EPN2: variants seen among roughly 807,000 people sequenced by gnomAD.
EPN2 encodes the protein epsin 2.
Under a neutral mutation model 61.7 loss-of-function variants are expected in EPN2, and 34 were observed. The ratio of observed to expected loss-of-function variants is 0.55; its 90% CI spans 0.42 to 0.73. The LOEUF is 0.73. EPN2 is among the 30% of genes least tolerant of loss of function. The pLI is 0.00. For synonymous variants in EPN2, 349 were observed against 353.6 expected (o/e 0.99, Z 0.15); for missense variants, 714 against 839.2 (o/e 0.85, Z 1.84).
intron 1 of EPN2, among the ~76,000 whole-genome samples, chr17:19,267,972 C>G (rs1309838665): frequency 6.6e-6 from 1 of 152,218 alleles, no homozygotes; most frequent in Non-Finnish European, 1.5e-5. Flanking sequence ...GTGAACAACT[C>G]AATTTGGCAA....
At chr17:19,265,774 C>T (rs548011927) in intron 1 of EPN2, among the ~76,000 whole-genome samples, 3 of 152,344 alleles carry the variant, frequency 2.0e-5, no homozygotes, top group Admixed American at 6.5e-5. Context: ...CCAGGCCTGT[C>T]CTGCCAGCAC....
At position 19,282,933 on chromosome 17, in the gene EPN2, G is replaced by A. The variant is rs1414574808; in HGVS notation, c.-170-17G>A. 1.7e-6 allele frequency: 1 copy of A among 575,418 alleles called. No homozygotes were observed. The highest frequency in any genetic ancestry group is 3.1e-6 in the Non-Finnish European group (1 of 326,092). The allele number at this position is 575,418 out of a possible 1,614,324, so 35.6% of individuals were successfully genotyped here. A position where few individuals can be genotyped will look rare whatever the true frequency, so the allele number is the denominator to read the frequency against. Reference sequence around the variant, plus strand: ...GGGGGCTTACGTCGCAGTGGAATGGGTTTTCTCTTTCTCTAGGTCATGGCT... The same window carrying A: ...GGGGGCTTACGTCGCAGTGGAATGGATTTTCTCTTTCTCTAGGTCATGGCT... On this transcript the variant is annotated splice_polypyrimidine_tract_variant and intron_variant, in intron 2 of 10. Transcript: ENST00000314728.
intron 1 of EPN2, among the ~76,000 whole-genome samples, chr17:19,249,692 C>T (rs1230604998): frequency 6.6e-6 from 1 of 152,214 alleles, no homozygotes; most frequent in Non-Finnish European, 1.5e-5. Context: ...GTTTGTGCCT[C>T]TTTCTAAACA....
chr17:19,246,949 T>G (rs1170466241), intron 1 of EPN2, among the ~76,000 whole-genome samples: 2 of 151,988 alleles, frequency 1.3e-5, no homozygotes, highest in Non-Finnish European at 2.9e-5. Context: ...TTTTTGTATT[T>G]ATGGTAGAGA....
Position 19,335,387 on chromosome 17 carries a change from T to A in EPN2, c.*1133T>A. On this transcript the variant is annotated 3_prime_UTR_variant, in exon 11 of 11. Coordinates refer to ENST00000314728, the MANE Select transcript of EPN2 (RefSeq NM_014964.5). Reference sequence around the variant, plus strand: ...GACTCACCAATTTTTATCAACTAATTCCTTTTTTTTATTAAAGGCATGCAG... The same window carrying A: ...GACTCACCAATTTTTATCAACTAATACCTTTTTTTTATTAAAGGCATGCAG... 6.5e-7 allele frequency: 1 copy of A among 1,547,518 alleles called. No individual in the cohort carries two copies. The highest frequency in any genetic ancestry group is 8.7e-7 in the Non-Finnish European group (1 of 1,145,394).
Position 19,276,773 on chromosome 17 carries a change from G to GTTTTTTTTTTTTTTTTTT in EPN2, c.-293-5181_-293-5164dup, listed in dbSNP as rs80078595. The stretch of plus-strand genomic sequence containing the variant: ...GTCAGTATGTAATTTATGAGAATAA[G>GTTTTTTTTTTTTTTTTTT]TTTTTTTTTTTTTTTTTTGCTGTAT... On this transcript the variant is annotated intron_variant, in intron 1 of 10. Transcript: ENST00000314728. 1.9e-4 allele frequency among the ~76,000 whole-genome samples: 23 copies of GTTTTTTTTTTTTTTTTTT among 119,308 alleles called. 1 individual carries two copies. The highest frequency in any genetic ancestry group is 7.5e-4 in the African/African-American group (18 of 24,092). 78.3% of individuals were successfully genotyped at this position (119,308 alleles called of 152,430 possible). A position where few individuals can be genotyped will look rare whatever the true frequency, so the allele number is the denominator to read the frequency against.
chr17:19,248,489 C>T (rs1472603779), intron 1 of EPN2: 1 of 152,132 alleles, frequency 6.6e-6, no homozygotes, highest in African/African-American at 2.4e-5. Flanking sequence ...AATTACATTT[C>T]TTTAATTTTA....
At chr17:19,333,737 A>G (rs984600661) in intron 10 of EPN2, among the ~76,000 whole-genome samples, 1 of 152,170 alleles carries the variant, frequency 6.6e-6, no homozygotes, top group African/African-American at 2.4e-5. Context: ...ACGCTGGACA[A>G]ATCACTTGGC....
chr17:19,295,730 T>TC (rs1466672620), intron 4 of EPN2, among the ~76,000 whole-genome samples: 2 of 152,098 alleles, frequency 1.3e-5, no homozygotes, highest in African/African-American at 4.8e-5. Flanking sequence ...AATCACTAGC[T>TC]CTCAAGCTTT....
chr17:19,318,049 G>C (rs1906469646), intron 7 of EPN2, among the ~76,000 whole-genome samples: 1 of 152,222 alleles, frequency 6.6e-6, no homozygotes, highest in South Asian at 2.1e-4. Flanking sequence ...TCTGAATTCA[G>C]CCCAGCAGTT....
intron 1 of EPN2, among the ~76,000 whole-genome samples, chr17:19,247,605 C>T (rs1055588672): frequency 7.9e-5 from 12 of 152,236 alleles, no homozygotes; most frequent in East Asian, 1.9e-4. Context: ...CAGCTGGTGA[C>T]GGGTGGATGC....
intron 7 of EPN2, 103 bp downstream of exon 7, chr17:19,313,382 G>A: frequency 2.6e-6 from 3 of 1,144,250 alleles, no homozygotes; most frequent in African/African-American, 1.6e-5. Flanking sequence ...GGTCGATTGT[G>A]GTGGGTGTCC....
intron 4 of EPN2, among the ~76,000 whole-genome samples, chr17:19,291,427 A>ATTTT (rs60753158): frequency 1.4e-5 from 1 of 69,834 alleles, no homozygotes; most frequent in East Asian, 4.6e-4. Context: ...TCAGCCATTC[A>ATTTT]TTTTTTTTTT....
intron 1 of EPN2, among the ~76,000 whole-genome samples, chr17:19,240,301 A>C (rs8065470): frequency 0.19 from 28,569 of 151,728 alleles, 3,460 homozygotes; most frequent in East Asian, 0.6. Flanking sequence ...GCTGGAGTGC[A>C]GTGGCGCAAT....
chr17:19,238,335 G>T (rs903955017), intron 1 of EPN2, among the ~76,000 whole-genome samples: 2 of 152,212 alleles, frequency 1.3e-5, no homozygotes, highest in East Asian at 3.8e-4. Flanking sequence ...AGCCGAGCGC[G>T]TTGGGAGGCT....
In EPN2 at chr17:19,309,111, G is replaced by T. The variant is rs866452008; in HGVS notation, c.767-774G>T. On this transcript the variant is annotated intron_variant, in intron 4 of 10. Transcript: ENST00000314728. ...GGCGGGCTTCATTTTCCATGATCTC[G>T]TAGTAACACTACGAGAGACAAAGGT... is the stretch of plus-strand genomic sequence containing the variant. 3.3e-5 allele frequency among the ~76,000 whole-genome samples: 5 copies of T among 150,692 alleles called. No homozygotes were observed. The East Asian group carries it at 7.8e-4, about 23-fold the overall frequency.
At chr17:19,324,197 T>C (rs1906765064) in intron 7 of EPN2, among the ~76,000 whole-genome samples, 2 of 152,220 alleles carry the variant, frequency 1.3e-5, no homozygotes, top group African/African-American at 2.4e-5. Context: ...TAACACAATT[T>C]CTGATCACAG....
In EPN2 at chr17:19,237,391, C is replaced by G. The variant is rs958948483; in HGVS notation, c.-434C>G. 3 of 152,034 alleles carry G rather than the reference C, an allele frequency of 2.0e-5. No homozygotes were observed. The highest frequency in any genetic ancestry group is 7.3e-5 in the African/African-American group (3 of 41,364). 9.4% of individuals were successfully genotyped at this position (152,034 alleles called of 1,614,324 possible). A position where few individuals can be genotyped will look rare whatever the true frequency, so the allele number is the denominator to read the frequency against. On this transcript the variant is annotated 5_prime_UTR_variant, in exon 1 of 11. Coordinates refer to ENST00000314728, the MANE Select transcript of EPN2 (RefSeq NM_014964.5). ...ACGCGTCCGGCGCGCCCCCTCCCGG[C>G]CGCCATGTTGGCTGGTGTGTGGGTG...
intron 1 of EPN2, chr17:19,257,983 A>T (rs1236545119): frequency 1.3e-5 from 2 of 153,002 alleles, no homozygotes; most frequent in African/African-American, 4.8e-5. Flanking sequence ...TTTTGGTCCC[A>T]GTCTCCCATG....
Sources: allele counts gnomAD v4.1 joint callset (sites outside exome capture counted in the v4.1 genomes callset), GRCh38; gene constraint gnomAD v4.1.1; transcripts MANE v1.5; gene names NCBI Gene and HGNC (gene_info 2026-07-23, HGNC 2026-07-21).